The following MAP4K3 variants were observed in gnomAD, a reference collection of about 807,000 sequenced individuals.
The protein encoded by MAP4K3 is mitogen-activated protein kinase kinase kinase kinase 3.
A neutral mutation model predicts 143.5 loss-of-function variants in MAP4K3; 94 were observed. The observed-to-expected ratio is 0.65, with a 90% CI of 0.55 to 0.78. The LOEUF (loss-of-function observed/expected upper bound fraction) is 0.78. Ranked by LOEUF, MAP4K3 falls within the 30% of genes least tolerant of loss-of-function variation. MAP4K3 has a pLI of 0.00. For synonymous variants in MAP4K3, 416 were observed against 347.2 expected (o/e 1.20, Z -2.20); for missense variants, 1,077 against 1,068.1 (o/e 1.01, Z -0.12).
intron 22 of MAP4K3, among the ~76,000 whole-genome samples, chr2:39,280,670 C>T (rs1681478423): frequency 1.3e-5 from 2 of 152,182 alleles, no homozygotes; most frequent in South Asian, 4.2e-4. Context: ...ATCTTACATG[C>T]TCCATGTCAA....
rs77628306 is a variant in MAP4K3 at position 39,280,497 on chromosome 2, A to T, written c.1630-141T>A. Reference sequence around the variant, plus strand: ...TGATCATCTTCAAATTTACAGAAGTAAGTGTAAGAAATCATCATAGTCATT... The same window carrying T: ...TGATCATCTTCAAATTTACAGAAGTTAGTGTAAGAAATCATCATAGTCATT... On this transcript the variant is annotated intron_variant, in intron 22 of 33. Transcript: ENST00000263881. The T allele has an allele frequency of 2.0e-3, 853 of 425,230 alleles. 12 individuals are homozygous for T. The highest frequency in any genetic ancestry group is 0.016 in the African/African-American group (796 of 48,986). 26.3% of individuals were successfully genotyped at this position (425,230 alleles called of 1,614,324 possible). A position where few individuals can be genotyped will look rare whatever the true frequency, so the allele number is the denominator to read the frequency against.
intron 12 of MAP4K3, among the ~76,000 whole-genome samples, chr2:39,318,675 CAA>C (rs1227787894): frequency 1.3e-5 from 2 of 151,888 alleles, no homozygotes; most frequent in African/African-American, 4.8e-5. Context: ...TTTTTTTAAA[CAA>C]TGCTTTACAT....
At chr2:39,373,094 G>T (rs1261301461) in intron 2 of MAP4K3, among the ~76,000 whole-genome samples, 1 of 151,924 alleles carries the variant, frequency 6.6e-6, no homozygotes, top group Non-Finnish European at 1.5e-5. Flanking sequence ...CTCCACTGGG[G>T]AAAAAAACCC....
At chr2:39,335,712 T>C (rs1027643654) in intron 6 of MAP4K3, among the ~76,000 whole-genome samples, 1 of 152,214 alleles carries the variant, frequency 6.6e-6, no homozygotes, top group African/African-American at 2.4e-5. Context: ...CATCTTCCTG[T>C]GAGCTCTTCT....
At chr2:39,295,262 C>A (rs1682224571) in intron 16 of MAP4K3, among the ~76,000 whole-genome samples, 1 of 151,878 alleles carries the variant, frequency 6.6e-6, no homozygotes, top group Non-Finnish European at 1.5e-5. Flanking sequence ...GAAGAGCTGG[C>A]ATTTGAGTTG....
chr2:39,287,813 G>A (rs1448869432), intron 20 of MAP4K3, among the ~76,000 whole-genome samples: 1 of 152,184 alleles, frequency 6.6e-6, no homozygotes, highest in Non-Finnish European at 1.5e-5. Context: ...CATTTTCCAT[G>A]TTTGTTCATA....
Position 39,337,577 on chromosome 2 carries a change from A to G in MAP4K3, c.315T>C (p.Thr105=). The G allele has an allele frequency of 6.2e-7, 1 of 1,607,812 alleles. No homozygotes were observed. ...CAATTTGCAGTTCTGACAGAGGTCCAGTTACTGTAAAAGAAGACAATTAAT... is the reference window on the plus strand; with the variant it reads ...CAATTTGCAGTTCTGACAGAGGTCCGGTTACTGTAAAAGAAGACAATTAAT... The part of the protein sequence containing the change: ...GGSLQDIYHV[T]GPLSELQIAY... The change falls in exon 5 of 34, where the codon ACT becomes ACC. Residue 105 remains threonine, a synonymous_variant. Transcript: ENST00000263881.
chr2:39,268,149 C>G (rs1354654893), intron 26 of MAP4K3, among the ~76,000 whole-genome samples: 2 of 152,100 alleles, frequency 1.3e-5, no homozygotes, highest in African/African-American at 4.8e-5. Context: ...TTGCAAACAT[C>G]TGACTCGAAT....
intron 26 of MAP4K3, among the ~76,000 whole-genome samples, chr2:39,271,321 A>G (rs115090963): frequency 0.028 from 4,319 of 152,296 alleles, 69 homozygotes; most frequent in African/African-American, 0.037. Context: ...GAACACAGCT[A>G]AAAGCAAATA....
At chr2:39,322,007 TGGTCCCCTG>T (rs1683326270) in intron 12 of MAP4K3, among the ~76,000 whole-genome samples, 1 of 151,642 alleles carries the variant, frequency 6.6e-6, no homozygotes, top group Admixed American at 6.6e-5. Context: ...TGTTGAACGC[TGGTCCCCTG>T]GGTCCCCTTA....
chr2:39,377,647 A>G (rs1666255236), intron 2 of MAP4K3, among the ~76,000 whole-genome samples: 1 of 152,176 alleles, frequency 6.6e-6, no homozygotes, highest in African/African-American at 2.4e-5. Flanking sequence ...AGACTCAGAG[A>G]CATGAAGCTA....
At chr2:39,433,632 G>GA (rs913066119) in intron 1 of MAP4K3, among the ~76,000 whole-genome samples, 6 of 152,048 alleles carry the variant, frequency 3.9e-5, no homozygotes, top group Non-Finnish European at 8.8e-5. Flanking sequence ...CATCTCCACA[G>GA]AAAAACACAA....
intron 4 of MAP4K3, among the ~76,000 whole-genome samples, chr2:39,342,384 C>G (rs1019519818): frequency 1.3e-5 from 2 of 152,100 alleles, no homozygotes; most frequent in African/African-American, 4.8e-5. Flanking sequence ...CCCGCCTCAG[C>G]CTCCCAAAGT....
intron 21 of MAP4K3, among the ~76,000 whole-genome samples, chr2:39,284,160 T>G (rs1011768372): frequency 5.3e-5 from 8 of 152,122 alleles, no homozygotes; most frequent in South Asian, 2.1e-4. Context: ...TCTTTTTTTG[T>G]TGTTGTTTTT....
intron 15 of MAP4K3, among the ~76,000 whole-genome samples, chr2:39,304,894 C>T (rs1477734459): frequency 1.3e-5 from 2 of 152,190 alleles, no homozygotes; most frequent in Non-Finnish European, 2.9e-5. Flanking sequence ...AATTCTGACA[C>T]ACGCTGCAAC....
chr2:39,350,437 T>C (rs1293294539), intron 3 of MAP4K3, among the ~76,000 whole-genome samples: 2 of 152,308 alleles, frequency 1.3e-5, no homozygotes, highest in Admixed American at 6.5e-5. Context: ...TTTTCGTAAA[T>C]GTAAAATATT....
chr2:39,399,983 A>G lies in MAP4K3; in HGVS notation c.97-21860T>C, dbSNP rs370954302. ...AAAAGAAAAACAAGTTGGTAAGTTT[A>G]TAAGACAATTTCCCCAGACTTCAGT... On this transcript the variant is annotated intron_variant, in intron 1 of 33. Coordinates refer to ENST00000263881, the MANE Select transcript of MAP4K3 (RefSeq NM_003618.4). Among the ~76,000 whole-genome samples the G allele has an allele frequency of 7.9e-5, 12 of 152,294 alleles. No individual in the cohort carries two copies. In the East Asian group the frequency reaches 1.3e-3, roughly 17 times the overall value.
At chr2:39,286,264 G>A (rs1022553478) in intron 21 of MAP4K3, among the ~76,000 whole-genome samples, 3 of 152,188 alleles carry the variant, frequency 2.0e-5, no homozygotes, top group Non-Finnish European at 2.9e-5. Flanking sequence ...TTTGCACTAC[G>A]AGAATCTAAT....
Position 39,250,461 on chromosome 2 carries a change from T to C in MAP4K3, c.*157A>G, listed in dbSNP as rs3770679. ...AATATGCTAAATATATCCATACCAC[T>C]TAAAACAAAATTTTCCCCATCTTAT... is the stretch of plus-strand genomic sequence containing the variant. On this transcript the variant is annotated 3_prime_UTR_variant, in exon 34 of 34. Transcript: ENST00000263881. 18 of 647,290 alleles carry C rather than the reference T, an allele frequency of 2.8e-5. No individual in the cohort carries two copies. The South Asian group carries it at 4.2e-4, about 15-fold the overall frequency. The allele number at this position is 647,290 out of a possible 1,614,324, so 40.1% of individuals were successfully genotyped here.
Sources: allele counts gnomAD v4.1 joint callset (sites outside exome capture counted in the v4.1 genomes callset), GRCh38; gene constraint gnomAD v4.1.1; transcripts MANE v1.5; gene names NCBI Gene and HGNC (gene_info 2026-07-23, HGNC 2026-07-21).